The following DNAJC1 variants were observed in gnomAD, a reference collection of about 807,000 sequenced individuals.
DNAJC1 encodes DnaJ heat shock protein family (Hsp40) member C1.
Under a neutral mutation model 76.6 loss-of-function variants are expected in DNAJC1, and 58 were observed. That is an observed-to-expected ratio of 0.76 (90% CI 0.61 to 0.94). The LOEUF is 0.94. Ranked by LOEUF, DNAJC1 falls within the 40% of genes least tolerant of loss-of-function variation. The pLI is 0.00. For missense variants in DNAJC1, 689 were observed against 677.3 expected (o/e 1.02, Z -0.19); for synonymous variants, 258 against 267.9 (o/e 0.96, Z 0.36).
At chr10:21,838,802 T>G (rs1465411764) in intron 8 of DNAJC1, among the ~76,000 whole-genome samples, 1 of 152,120 alleles carries the variant, frequency 6.6e-6, no homozygotes, top group African/African-American at 2.4e-5. Flanking sequence ...TATACATTCT[T>G]TTCAGCACCA....
intron 9 of DNAJC1, among the ~76,000 whole-genome samples, chr10:21,784,170 C>G (rs1718791689): frequency 1.3e-5 from 2 of 152,184 alleles, no homozygotes; most frequent in South Asian, 4.1e-4. Flanking sequence ...GGGCTAATAT[C>G]TAGAATCTAC....
At chr10:21,829,452 A>C (rs950215403) in intron 8 of DNAJC1, among the ~76,000 whole-genome samples, 1 of 152,132 alleles carries the variant, frequency 6.6e-6, no homozygotes, top group Non-Finnish European at 1.5e-5. Context: ...TCCTGACCTC[A>C]TGATCCGCCC....
At chr10:21,802,851 A>G (rs1834828395) in intron 9 of DNAJC1, among the ~76,000 whole-genome samples, 1 of 152,140 alleles carries the variant, frequency 6.6e-6, no homozygotes, top group Non-Finnish European at 1.5e-5. Context: ...TTTACATGCG[A>G]GACAGTTTTT....
chr10:21,816,876 C>T (rs753241585), intron 8 of DNAJC1, among the ~76,000 whole-genome samples: 16 of 141,432 alleles, frequency 1.1e-4, no homozygotes, highest in African/African-American at 3.4e-4. Flanking sequence ...AAAAAAATGC[C>T]GGGCGCGGTG....
chr10:21,976,184 T>C (rs928790925), intron 1 of DNAJC1, among the ~76,000 whole-genome samples: 4 of 152,190 alleles, frequency 2.6e-5, no homozygotes, highest in Admixed American at 1.3e-4. Flanking sequence ...ATCTTCCTGA[T>C]TCCAAAATAC....
intron 8 of DNAJC1, among the ~76,000 whole-genome samples, chr10:21,876,951 T>C (rs1004996396): frequency 2.0e-5 from 3 of 152,198 alleles, no homozygotes; most frequent in Non-Finnish European, 4.4e-5. Context: ...CTAGAAGGAT[T>C]TGAAAAATCT....
At chr10:21,836,964 G>T (rs560838242) in intron 8 of DNAJC1, among the ~76,000 whole-genome samples, 1 of 152,188 alleles carries the variant, frequency 6.6e-6, no homozygotes, top group Non-Finnish European at 1.5e-5. Flanking sequence ...ATGCCGAGCC[G>T]AAGCTAGACT....
intron 8 of DNAJC1, among the ~76,000 whole-genome samples, chr10:21,837,147 G>C (rs540033710): frequency 1.3e-5 from 2 of 152,238 alleles, no homozygotes; most frequent in East Asian, 3.9e-4. Flanking sequence ...TCCTAACCGC[G>C]AGTGATCTGC....
intron 9 of DNAJC1, among the ~76,000 whole-genome samples, chr10:21,790,214 T>C (rs1005932787): frequency 2.0e-5 from 3 of 149,762 alleles, no homozygotes; most frequent in African/African-American, 7.3e-5. Flanking sequence ...CAAGTGTTCA[T>C]ATTATGGAAG....
At chr10:21,760,550 T>C (rs1834228893) in intron 10 of DNAJC1, among the ~76,000 whole-genome samples, 1 of 152,204 alleles carries the variant, frequency 6.6e-6, no homozygotes, top group Admixed American at 6.5e-5. Flanking sequence ...ATAGGTACAT[T>C]TGGACACGGG....
rs562159999 is a variant in DNAJC1, at chr10:21,986,606, C to T, written c.222+16607G>A. On this transcript the variant is annotated intron_variant, in intron 1 of 11. Transcript: ENST00000376980. ...CTCTATCTGGGATGATCATATTTTT[C>T]GTTCTTTATTCTATAAATATGTAAT... is the stretch of plus-strand genomic sequence containing the variant. Among the ~76,000 whole-genome samples, 97 of 151,992 alleles carry T rather than the reference C, an allele frequency of 6.4e-4. 1 individual carries two copies. The highest frequency in any genetic ancestry group is 1.1e-3 in the African/African-American group (47 of 41,470).
At chr10:21,824,108 G>C (rs1281233748) in intron 8 of DNAJC1, among the ~76,000 whole-genome samples, 1 of 152,162 alleles carries the variant, frequency 6.6e-6, no homozygotes, top group Non-Finnish European at 1.5e-5. Context: ...ATGACAGAAA[G>C]AAACAGGAAG....
intron 9 of DNAJC1, among the ~76,000 whole-genome samples, chr10:21,784,245 T>G (rs977601243): frequency 3.3e-5 from 5 of 152,146 alleles, no homozygotes; most frequent in Non-Finnish European, 7.4e-5. Flanking sequence ...GCGAAGGATA[T>G]GAACAGACAC....
chr10:21,830,625 T>C (rs1157727348), intron 8 of DNAJC1, among the ~76,000 whole-genome samples: 1 of 152,212 alleles, frequency 6.6e-6, no homozygotes, highest in African/African-American at 2.4e-5. Flanking sequence ...GATTTCTCTT[T>C]CTTACCAATT....
chr10:21,843,636 A>T (rs1835607822), intron 8 of DNAJC1, among the ~76,000 whole-genome samples: 1 of 151,732 alleles, frequency 6.6e-6, no homozygotes, highest in Admixed American at 6.6e-5. Flanking sequence ...CTCGTGATCC[A>T]CTGCCTCAGC....
intron 3 of DNAJC1, among the ~76,000 whole-genome samples, chr10:21,927,688 A>G (rs1173538643): frequency 6.6e-6 from 1 of 152,170 alleles, no homozygotes; most frequent in Non-Finnish European, 1.5e-5. Flanking sequence ...ATCTTGTGAA[A>G]CTATTGTTTT....
chr10:21,944,148 C>A (rs1837466105), intron 1 of DNAJC1, among the ~76,000 whole-genome samples: 1 of 146,326 alleles, frequency 6.8e-6, no homozygotes, highest in Non-Finnish European at 1.5e-5. Context: ...TGAAACTAAT[C>A]CATTGTTTTC....
chr10:21,969,422 T>C (rs1185944619), intron 1 of DNAJC1, among the ~76,000 whole-genome samples: 2 of 152,058 alleles, frequency 1.3e-5, no homozygotes, highest in Non-Finnish European at 2.9e-5. Context: ...TCAGCACCAG[T>C]GGTTCTTGAT....
At chr10:21,851,357 T>A (rs775934181) in intron 8 of DNAJC1, among the ~76,000 whole-genome samples, 18 of 152,060 alleles carry the variant, frequency 1.2e-4, no homozygotes, top group Non-Finnish European at 5.9e-5. Context: ...CCAAAAAACA[T>A]GTGAAAAGAT....
Sources: gnomAD v4.1 joint callset for allele counts (sites outside exome capture counted in the v4.1 genomes callset) on GRCh38, gnomAD v4.1.1 for gene constraint, MANE v1.5 for transcripts, NCBI Gene and HGNC (gene_info 2026-07-23, HGNC 2026-07-21) for gene names.